The following VPS39 variants were observed in gnomAD, a reference collection of about 807,000 sequenced individuals.
The protein encoded by VPS39 is VPS39 subunit of HOPS complex.
VPS39 carries 70 observed loss-of-function variants against 121.0 expected under a neutral mutation model. The observed-to-expected ratio is 0.58, with a 90% CI of 0.48 to 0.71. VPS39 has a LOEUF of 0.71. Among genes scored for constraint, VPS39 ranks in the 30% least tolerant of loss-of-function variants. The pLI, the probability that VPS39 is intolerant of heterozygous loss-of-function variation, is 0.00. For missense variants in VPS39, 818 were observed against 1,051.5 expected, an observed-to-expected ratio of 0.78 and a Z score of 3.07; for synonymous variants, 378 against 398.1, an observed-to-expected ratio of 0.95 and a Z score of 0.60.
Position 42,204,693 on chromosome 15 carries a change from T to A in VPS39, c.73+3388A>T, listed in dbSNP as rs555691370. Among the ~76,000 whole-genome samples the A allele has an allele frequency of 8.5e-4, 130 of 152,190 alleles. 3 individuals are homozygous for A. The South Asian group carries it at 0.023, about 26-fold the overall frequency. ...AAAATAAAATAAAATAAAATTAAATTAAATTTTATTTGTTTTTATGAAACA... is the reference window on the plus strand; with the variant it reads ...AAAATAAAATAAAATAAAATTAAATAAAATTTTATTTGTTTTTATGAAACA... On this transcript the variant is annotated intron_variant, in intron 1 of 24. Transcript: ENST00000318006.
At chr15:42,175,569 C>T (rs2049436385) in intron 10 of VPS39, among the ~76,000 whole-genome samples, 2 of 152,288 alleles carry the variant, frequency 1.3e-5, no homozygotes, top group East Asian at 1.9e-4. Context: ...TTTAGCCAAT[C>T]TTTATCAAAT....
intron 10 of VPS39, among the ~76,000 whole-genome samples, chr15:42,174,077 C>T (rs368560243): frequency 4.6e-5 from 7 of 152,158 alleles, no homozygotes; most frequent in African/African-American, 1.4e-4. Context: ...GAAACCCCGT[C>T]TCTACTAAAA....
rs763207610 is a variant in VPS39, at chr15:42,166,123, T to A, written c.1680+36A>T. 3.1e-6 allele frequency: 5 copies of A among 1,594,760 alleles called. No homozygotes were observed. In the South Asian group the frequency reaches 5.5e-5, roughly 18 times the overall value. ...TCTCAAGTGCAATCAGAACCAAGTG[T>A]TTACCAGATAAATCCAAGGGACTCC... On this transcript the variant is annotated intron_variant, in intron 16 of 24. Coordinates refer to ENST00000318006, the MANE Select transcript of VPS39 (RefSeq NM_015289.5).
intron 7 of VPS39, 24 bp from the exon 8 acceptor site, chr15:42,184,724 C>T (rs1187549978): frequency 6.3e-7 from 1 of 1,588,730 alleles, no homozygotes; most frequent in Non-Finnish European, 8.6e-7. Flanking sequence ...CAGAGTGAGT[C>T]ACCTAGCATT....
At chr15:42,184,054 CAAAAAAAAAAAAA>C (rs34358912) in intron 8 of VPS39, 1 of 57,950 alleles carries the variant, frequency 1.7e-5, no homozygotes, top group Non-Finnish European at 3.6e-5. Context: ...CTCTAAGCTA[CAAAAAAAAAAAAA>C]AAAAAAAAGC....
intron 10 of VPS39, among the ~76,000 whole-genome samples, chr15:42,176,813 A>T (rs994743709): frequency 6.6e-6 from 1 of 152,148 alleles, no homozygotes; most frequent in African/African-American, 2.4e-5. Context: ...TTTACAGGAT[A>T]CTCTAGAAAT....
intron 11 of VPS39, 48 bp downstream of exon 11, chr15:42,173,675 C>T (rs1359256471): frequency 1.3e-6 from 2 of 1,588,322 alleles, no homozygotes; most frequent in Admixed American, 3.6e-5. Flanking sequence ...ACTTTTCAGG[C>T]TCCCCTCCTC....
At chr15:42,193,015 G>A (rs1056173417) in intron 2 of VPS39, among the ~76,000 whole-genome samples, 2 of 152,086 alleles carry the variant, frequency 1.3e-5, no homozygotes, top group African/African-American at 2.4e-5. Context: ...CTCGACCTCA[G>A]GTGATCCACC....
rs368044825 is a variant in VPS39 at position 42,187,902 on chromosome 15, T to A, written c.343-46A>T. 18 of 1,543,354 alleles carry A rather than the reference T, an allele frequency of 1.2e-5. No homozygotes were observed. The African/African-American group carries it at 2.3e-4, about 20-fold the overall frequency. On this transcript the variant is annotated intron_variant, in intron 5 of 24. Coordinates refer to ENST00000318006, the MANE Select transcript of VPS39 (RefSeq NM_015289.5). ...CAAATGAAAATACAATGACTCTCTC[T>A]AACTGAGTGATAACTAAATTAGAGA...
In VPS39 at chr15:42,165,797, G is replaced by A. The variant is rs561738448; in HGVS notation, c.1700C>T (p.Pro567Leu). ...ATCACGTGGCAGAGACTCCACTTCC[G>A]GGAGATCTTCAGTAAATATCTGTTA... The part of the protein sequence containing the change: ...DGLKIFTEDL[P>L]EVESLPRDRV... The change falls in exon 17 of 25, where the codon CCG becomes CTG. Residue 567 changes from proline (P) to leucine (L), a missense_variant. Pro to Leu is a moderately conservative substitution (Grantham distance 98, BLOSUM62 -3). Coordinates refer to ENST00000318006, the MANE Select transcript of VPS39 (RefSeq NM_015289.5). 1.1e-5 allele frequency: 18 copies of A among 1,614,064 alleles called. 1 individual carries two copies. Among genetic ancestry groups the A allele is most frequent in the South Asian group, 7.7e-5 (7 of 91,062 alleles).
intron 8 of VPS39, among the ~76,000 whole-genome samples, chr15:42,182,247 T>C (rs1422053526): frequency 1.3e-5 from 2 of 152,266 alleles, no homozygotes; most frequent in Non-Finnish European, 2.9e-5. Context: ...ATTTTATTTT[T>C]ATGCTGGCCT....
chr15:42,161,473 C>T (rs1349335880), intron 24 of VPS39: 2 of 691,154 alleles, frequency 2.9e-6, no homozygotes, highest in Non-Finnish European at 5.3e-6. Context: ...CAGCTCCATA[C>T]CATACATTGC....
intron 23 of VPS39, 129 bp from the exon 24 acceptor site, chr15:42,161,902 G>A: frequency 6.3e-7 from 1 of 1,586,554 alleles, no homozygotes; most frequent in East Asian, 2.2e-5. Flanking sequence ...GCAATTCAAT[G>A]TCAAGCTGGC....
chr15:42,169,774 C>G lies in VPS39; in HGVS notation c.1183G>C (p.Gly395Arg), dbSNP rs565095448. 1 of 1,614,098 alleles carries G rather than the reference C, an allele frequency of 6.2e-7. No homozygotes were observed. Among genetic ancestry groups the G allele is most frequent in the Non-Finnish European group, 8.5e-7 (1 of 1,180,040 alleles). The change falls in exon 12 of 25, where the codon GGG becomes CGG. Residue 395 changes from glycine to arginine, a missense_variant. Coordinates refer to ENST00000318006, the MANE Select transcript of VPS39 (RefSeq NM_015289.5). The stretch of plus-strand genomic sequence containing the variant: ...AAGTGAGCCTTCTCCAATTCAGCCC[C>G]GGAGAGCACAGGCAATGGGTTGGGA... Reference protein sequence around the residue: ...QYPNPLPVLSGAELEKAHLAL... With the variant: ...QYPNPLPVLSRAELEKAHLAL...
At chr15:42,175,687 G>A (rs565787182) in intron 10 of VPS39, among the ~76,000 whole-genome samples, 2 of 151,704 alleles carry the variant, frequency 1.3e-5, no homozygotes, top group South Asian at 2.1e-4. Flanking sequence ...CCTGGTCTCC[G>A]CTCTCCTGCT....
intron 8 of VPS39, chr15:42,184,178 C>T (rs900764880): frequency 5.9e-6 from 1 of 168,518 alleles, no homozygotes; most frequent in Non-Finnish European, 1.3e-5. Context: ...CCACTAATTT[C>T]CAAATGTAGT....
Position 42,178,291 on chromosome 15 carries a change from A to C in VPS39, c.887T>G (p.Ile296Ser). Residue 296 changes from isoleucine (I) to serine (S), a missense_variant, in exon 10 of 25, where the codon ATC becomes AGC. Coordinates refer to ENST00000318006, the MANE Select transcript of VPS39 (RefSeq NM_015289.5). The part of the protein sequence containing the change: ...VASNHFVWRL[I>S]PVPMATQIQQ... ...GATTTGGGTTGCCATGGGGACAGGG[A>C]TGAGTCTCCAAACAAAATGATTGCT... 6.2e-7 allele frequency: 1 copy of C among 1,614,160 alleles called. No individual in the cohort carries two copies. Among genetic ancestry groups the C allele is most frequent in the South Asian group, 1.1e-5 (1 of 91,084 alleles).
intron 11 of VPS39, among the ~76,000 whole-genome samples, chr15:42,172,328 G>C (rs1320676729): frequency 6.6e-6 from 1 of 152,176 alleles, no homozygotes; most frequent in Non-Finnish European, 1.5e-5. Flanking sequence ...GCTCCAGCCA[G>C]CACCACTTTT....
chr15:42,173,597 T>TCC, intron 11 of VPS39, 126 bp downstream of exon 11: 1 of 1,260,962 alleles, frequency 7.9e-7, no homozygotes. Context: ...TCTTGCTAGG[T>TCC]ATGAGGATCA....
Sources: allele counts gnomAD v4.1 joint callset (sites outside exome capture counted in the v4.1 genomes callset), GRCh38; gene constraint gnomAD v4.1.1; transcripts MANE v1.5; gene names NCBI Gene and HGNC (gene_info 2026-07-23, HGNC 2026-07-21).